PDE1A: variants seen among roughly 807,000 people sequenced by gnomAD.
PDE1A encodes dual specificity calcium/calmodulin-dependent 3',5'-cyclic nucleotide phosphodiesterase 1A.
PDE1A carries 35 observed loss-of-function variants against 61.7 expected under a neutral mutation model. The observed-to-expected ratio is 0.57, with a 90% CI of 0.43 to 0.75. The LOEUF (loss-of-function observed/expected upper bound fraction) is 0.75. PDE1A is among the 30% of genes least tolerant of loss of function. The probability of loss-of-function intolerance (pLI) is 0.00; values close to 1 mark genes in which losing one functional copy is unlikely to be tolerated. For synonymous variants in PDE1A, 232 were observed against 213.2 expected, an observed-to-expected ratio of 1.09 and a Z score of -0.77; for missense variants, 597 against 630.6, an observed-to-expected ratio of 0.95 and a Z score of 0.57.
chr2:182,647,919 GA>G, the PDE1A span, among the ~76,000 whole-genome samples: 23,702 of 150,792 alleles, frequency 0.16, 2,430 homozygotes, highest in African/African-American at 0.29. Context: ...ATTTACTGAG[GA>G]AAAAAAAAGG....
the PDE1A span, among the ~76,000 whole-genome samples, chr2:182,587,234 T>C: frequency 6.6e-6 from 1 of 152,172 alleles, no homozygotes; most frequent in African/African-American, 2.4e-5. Context: ...CTGAGGATAA[T>C]GATGAGCTAT....
At chr2:182,310,895 T>C (rs994815306) in intron 1 of PDE1A, among the ~76,000 whole-genome samples, 1 of 152,152 alleles carries the variant, frequency 6.6e-6, no homozygotes, top group Non-Finnish European at 1.5e-5. Flanking sequence ...CAGGCAGAAA[T>C]GATATACTCA....
At chr2:182,623,268 C>A in the PDE1A span, among the ~76,000 whole-genome samples, 2 of 152,146 alleles carry the variant, frequency 1.3e-5, no homozygotes, top group African/African-American at 2.4e-5. Context: ...GCCCAGCCAA[C>A]AGACTGGTAT....
chr2:182,301,362 C>G (rs1695230582), intron 1 of PDE1A, among the ~76,000 whole-genome samples: 2 of 152,136 alleles, frequency 1.3e-5, no homozygotes, highest in African/African-American at 2.4e-5. Context: ...TGTTGTGTCT[C>G]TAACAGGTGG....
the PDE1A span, among the ~76,000 whole-genome samples, chr2:182,659,984 G>A: frequency 3.9e-5 from 6 of 152,164 alleles, no homozygotes; most frequent in Admixed American, 1.3e-4. Flanking sequence ...CTGACTAACA[G>A]CAAGACATTA....
At chr2:182,147,774 CAAAAT>C (rs1559114726) in intron 13 of PDE1A, among the ~76,000 whole-genome samples, 1 of 152,020 alleles carries the variant, frequency 6.6e-6, no homozygotes, top group Non-Finnish European at 1.5e-5. Context: ...ACAAAGTAAA[CAAAAT>C]AAACAGAAAT....
intron 10 of PDE1A, among the ~76,000 whole-genome samples, chr2:182,192,193 C>A (rs1015242669): frequency 4.6e-5 from 7 of 152,018 alleles, no homozygotes; most frequent in African/African-American, 1.7e-4. Flanking sequence ...TGTTGAATGG[C>A]AACATATTTC....
intron 10 of PDE1A, among the ~76,000 whole-genome samples, chr2:182,190,314 C>T (rs1186105768): frequency 6.6e-6 from 1 of 152,192 alleles, no homozygotes; most frequent in African/African-American, 2.4e-5. Context: ...AGTAACTCCC[C>T]TAATTCCTCT....
At chr2:182,628,255 T>C in the PDE1A span, among the ~76,000 whole-genome samples, 1 of 152,316 alleles carries the variant, frequency 6.6e-6, no homozygotes, top group African/African-American at 2.4e-5. Context: ...GGTATCCCAC[T>C]GGGATCTAAA....
At chr2:182,280,363 C>A (rs1693718741) in intron 1 of PDE1A, among the ~76,000 whole-genome samples, 1 of 151,856 alleles carries the variant, frequency 6.6e-6, no homozygotes, top group Admixed American at 6.6e-5. Context: ...CTGCCCTTGA[C>A]CACATTTCCT....
intron 2 of PDE1A, chr2:182,522,259 G>C: frequency 6.2e-7 from 1 of 1,601,998 alleles, no homozygotes; most frequent in South Asian, 1.1e-5. Flanking sequence ...GAAATAAAAA[G>C]CAAAGAGCAT....
At chr2:182,586,583 T>C in the PDE1A span, among the ~76,000 whole-genome samples, 3 of 152,198 alleles carry the variant, frequency 2.0e-5, no homozygotes, top group African/African-American at 7.2e-5. Flanking sequence ...TCAGCATTAT[T>C]GACACTTTGG....
chr2:182,274,924 C>G (rs1019073895), intron 1 of PDE1A, among the ~76,000 whole-genome samples: 1 of 152,020 alleles, frequency 6.6e-6, no homozygotes, highest in Admixed American at 6.6e-5. Context: ...CGCATCATCA[C>G]TGGTATAAAC....
At chr2:182,206,766 A>T (rs1357438375) in intron 7 of PDE1A, among the ~76,000 whole-genome samples, 1 of 152,068 alleles carries the variant, frequency 6.6e-6, no homozygotes, top group Admixed American at 6.6e-5. Flanking sequence ...TTGGGGGCAG[A>T]CTTCCCCCAT....
the PDE1A span, among the ~76,000 whole-genome samples, chr2:182,609,606 C>T: frequency 1.3e-5 from 2 of 152,228 alleles, no homozygotes; most frequent in Non-Finnish European, 2.9e-5. Context: ...AGGTCTGCAG[C>T]TTCACTCCTG....
At chr2:182,348,292 T>C (rs1698642019) in intron 1 of PDE1A, among the ~76,000 whole-genome samples, 1 of 152,162 alleles carries the variant, frequency 6.6e-6, no homozygotes, top group South Asian at 2.1e-4. Context: ...TTCAGGAACT[T>C]AGGCAGATTG....
At chr2:182,407,373 TTTATTA>T (rs1702358667) in intron 1 of PDE1A, among the ~76,000 whole-genome samples, 1 of 147,782 alleles carries the variant, frequency 6.8e-6, no homozygotes, top group South Asian at 2.1e-4. Flanking sequence ...TTCAACATAC[TTTATTA>T]TTATTTTTTT....
At chr2:182,175,435 T>C (rs1692651275) in intron 13 of PDE1A, among the ~76,000 whole-genome samples, 1 of 150,922 alleles carries the variant, frequency 6.6e-6, no homozygotes. Context: ...TGATGGCCAG[T>C]GATGGTGAGC....
intron 2 of PDE1A, among the ~76,000 whole-genome samples, chr2:182,248,101 C>T (rs1333375251): frequency 6.6e-6 from 1 of 151,842 alleles, no homozygotes; most frequent in Non-Finnish European, 1.5e-5. Flanking sequence ...ACTACAGATA[C>T]AAAAATTTAG....
Sources: gnomAD v4.1 joint callset for allele counts (sites outside exome capture counted in the v4.1 genomes callset) on GRCh38, gnomAD v4.1.1 for gene constraint, MANE v1.5 for transcripts, NCBI Gene and HGNC (gene_info 2026-07-23, HGNC 2026-07-21) for gene names.